Variants in HEYL observed in about 807,000 individuals in gnomAD.
The protein encoded by HEYL is hes related family bHLH transcription factor with YRPW motif like.
In HEYL, 12 loss-of-function variants were observed where a neutral mutation model predicts 18.6. That is an observed-to-expected ratio of 0.65 (90% CI 0.41 to 1.05). The LOEUF is 1.05. HEYL is among the 50% of genes least tolerant of loss of function. HEYL has a pLI of 0.00. For missense variants in HEYL, 420 were observed against 444.7 expected (o/e 0.94, Z 0.50); for synonymous variants, 159 against 179.6 (o/e 0.89, Z 0.91).
chr1:39,628,430 C>A (rs1194819392), intron 4 of HEYL, among the ~76,000 whole-genome samples: 2 of 152,058 alleles, frequency 1.3e-5, no homozygotes, highest in Non-Finnish European at 2.9e-5. Flanking sequence ...CAGGCAACAG[C>A]CATCACAGCG....
Position 39,626,930 on chromosome 1 carries a change from G to C in HEYL, c.564C>G (p.Ala188=), listed in dbSNP as rs949419651. ...CCAGGATGGCGAGCTGGTTGCTCAG[G>C]GCTGGCAGCCCTGGACAGCTATGGA... The part of the protein sequence containing the change: ...SFFHSCPGLP[A]LSNQLAILGR... Residue 188 remains alanine (A), a synonymous_variant, in exon 5 of 5, where the codon GCC becomes GCG. Coordinates refer to ENST00000372852, the MANE Select transcript of HEYL (RefSeq NM_014571.4). 1 of 1,612,936 alleles carries C rather than the reference G, an allele frequency of 6.2e-7. No individual in the cohort carries two copies. Among genetic ancestry groups the C allele is most frequent in the Non-Finnish European group, 8.5e-7 (1 of 1,179,166 alleles).
chr1:39,627,136 C>G lies in HEYL; in HGVS notation c.358G>C (p.Gly120Arg), dbSNP rs1459629871. ...RALAVDFRSI[G>R]FRECLTEVIR... ...ACCTCAGTGAGGCACTCCCGAAAACCAATGCTCCGGAAGTCAACTGCCAGG... is the reference window on the plus strand; with the variant it reads ...ACCTCAGTGAGGCACTCCCGAAAACGAATGCTCCGGAAGTCAACTGCCAGG... Residue 120 changes from glycine to arginine, a missense_variant, in exon 5 of 5, where the codon GGT becomes CGT. Coordinates refer to ENST00000372852, the MANE Select transcript of HEYL (RefSeq NM_014571.4). The G allele has an allele frequency of 6.2e-7, 1 of 1,613,862 alleles. No homozygotes were observed. Among genetic ancestry groups the G allele is most frequent in the Non-Finnish European group, 8.5e-7 (1 of 1,179,790 alleles).
intron 1 of HEYL, among the ~76,000 whole-genome samples, chr1:39,636,072 C>T (rs1385535441): frequency 1.3e-5 from 2 of 152,174 alleles, no homozygotes; most frequent in African/African-American, 4.8e-5. Flanking sequence ...CCCCGTGGAA[C>T]CCTTGCAGAT....
At position 39,632,681 on chromosome 1, in the gene HEYL, A is replaced by T; in HGVS notation, c.115T>A (p.Ser39Thr). The change falls in exon 2 of 5, where the codon TCG becomes ACG. Residue 39 changes from serine to threonine, a missense_variant. By Grantham distance (58) the Ser-to-Thr change is moderately conservative. Transcript: ENST00000372852. ...TGTTTCTTCCTGGCTTGCATCTGCG[A>T]AGAGCTGGGGGTGGACAGCGGCCTG... The part of the protein sequence containing the change: ...MARPLSTPSS[S>T]QMQARKKHRG... 10 of 1,614,034 alleles carry T rather than the reference A, an allele frequency of 6.2e-6. No individual in the cohort carries two copies. The highest frequency in any genetic ancestry group is 8.5e-6 in the Non-Finnish European group (10 of 1,179,936).
At chr1:39,628,116 G>A (rs925549986) in intron 4 of HEYL, among the ~76,000 whole-genome samples, 2 of 152,308 alleles carry the variant, frequency 1.3e-5, no homozygotes, top group Middle Eastern at 3.4e-3. Context: ...GACGATGGCA[G>A]CAAATATCTA....
rs2124112670 is a variant in HEYL, at chr1:39,630,270, C to T, written c.270G>A (p.Met90Ile). ...SKLEKAEVLQ[M>I]TVDHLKMLHA... ...GGAGCATTTTCAAGTGATCCACCGT[C>T]ATCTGCAAGACCTCGGCTTTCTCCA... The change falls in exon 4 of 5, where the codon ATG becomes ATA. Residue 90 changes from methionine to isoleucine, a missense_variant. Physicochemically the swap from Met to Ile is conservative, Grantham distance 10. Transcript: ENST00000372852. The T allele has an allele frequency of 6.2e-7, 1 of 1,614,132 alleles. No homozygotes were observed. Among genetic ancestry groups the T allele is most frequent in the African/African-American group, 1.3e-5 (1 of 75,026 alleles).
chr1:39,636,032 AC>A (rs1221364415), intron 1 of HEYL, among the ~76,000 whole-genome samples: 3 of 151,946 alleles, frequency 2.0e-5, no homozygotes, highest in Non-Finnish European at 4.4e-5. Flanking sequence ...GGTCCTGACC[AC>A]CCTCAGTGCT....
intron 1 of HEYL, among the ~76,000 whole-genome samples, chr1:39,637,165 G>C (rs982129015): frequency 1.4e-4 from 22 of 152,210 alleles, no homozygotes; most frequent in African/African-American, 5.3e-4. Flanking sequence ...GTGCTCATTA[G>C]ATGTTTGCAG....
Position 39,624,029 on chromosome 1 carries a change from G to A in HEYL, c.*2478C>T, listed in dbSNP as rs771830719. 6.6e-6 allele frequency: 1 copy of A among 152,310 alleles called. No individual in the cohort carries two copies. The highest frequency in any genetic ancestry group is 6.5e-5 in the Admixed American group (1 of 15,288). 9.4% of individuals were successfully genotyped at this position (152,310 alleles called of 1,614,324 possible). ...GAGAACTGATTGACAAAGCAAGAGG[G>A]AAGACCTTTCTGAGGCCAGGGCAGT... On this transcript the variant is annotated 3_prime_UTR_variant, in exon 5 of 5. Transcript: ENST00000372852.
chr1:39,638,533 G>A (rs1393299693), intron 1 of HEYL, among the ~76,000 whole-genome samples: 1 of 152,232 alleles, frequency 6.6e-6, no homozygotes, highest in Non-Finnish European at 1.5e-5. Context: ...AGCCAAGAGA[G>A]ATGAAGTATA....
In HEYL at chr1:39,639,595, C is replaced by A. The variant is rs993777576; in HGVS notation, c.31G>T (p.Asp11Tyr). 1 of 1,577,140 alleles carries A rather than the reference C, an allele frequency of 6.3e-7. No homozygotes were observed. Among genetic ancestry groups the A allele is most frequent in the Non-Finnish European group, 8.6e-7 (1 of 1,166,744 alleles). Residue 11 changes from aspartate to tyrosine, a missense_variant, in exon 1 of 5, where the codon GAC becomes TAC. By Grantham distance (160) the Asp-to-Tyr change is radical. Transcript: ENST00000372852. ...TCGATGGGTCCGTCGGACTCCCCGT[C>A]GGAGCCGCTCGGCTCCTTGGGTCGC... MKRPKEPSGS[D>Y]GESDGPIDVG...
Position 39,624,273 on chromosome 1 carries a change from A to G in HEYL, c.*2234T>C, listed in dbSNP as rs6587. On this transcript the variant is annotated 3_prime_UTR_variant, in exon 5 of 5. Transcript: ENST00000372852. Reference sequence around the variant, plus strand: ...ACACAAGATGCAAGTCCTTGACCACAGAATCAGATCACACAGTCACCTTTC... The same window carrying G: ...ACACAAGATGCAAGTCCTTGACCACGGAATCAGATCACACAGTCACCTTTC... 0.52 allele frequency: 79,118 copies of G among 152,242 alleles called. 22,883 individuals carry two copies. The highest frequency in any genetic ancestry group is 0.79 in the African/African-American group (32,759 of 41,556). 9.4% of individuals were successfully genotyped at this position (152,242 alleles called of 1,614,324 possible).
rs545387557 is a variant in HEYL, at chr1:39,623,964, C to T, written c.*2543G>A. Among the ~76,000 whole-genome samples, 1 of 152,150 alleles carries T rather than the reference C, an allele frequency of 6.6e-6. No individual in the cohort carries two copies. The highest frequency in any genetic ancestry group is 1.9e-4 in the East Asian group (1 of 5,198). On this transcript the variant is annotated 3_prime_UTR_variant, in exon 5 of 5. Coordinates refer to ENST00000372852, the MANE Select transcript of HEYL (RefSeq NM_014571.4). ...TGAGGTTTTCAAACTAAAGATGATACGATATGACCTGCAGCTTTCAATTTC... is the reference window on the plus strand; with the variant it reads ...TGAGGTTTTCAAACTAAAGATGATATGATATGACCTGCAGCTTTCAATTTC...
chr1:39,633,225 G>A (rs1646344847), intron 1 of HEYL: 1 of 543,010 alleles, frequency 1.8e-6, no homozygotes, highest in Non-Finnish European at 2.4e-6. Context: ...CGAAGGGGAG[G>A]CGGCATCTGG....
At chr1:39,637,008 G>T (rs950498068) in intron 1 of HEYL, among the ~76,000 whole-genome samples, 1 of 152,180 alleles carries the variant, frequency 6.6e-6, no homozygotes, top group Admixed American at 6.5e-5. Flanking sequence ...CATTTTGAAC[G>T]CGAGAAAACT....
chr1:39,630,800 C>G (rs1438077662), intron 3 of HEYL, among the ~76,000 whole-genome samples: 1 of 152,256 alleles, frequency 6.6e-6, no homozygotes, highest in Non-Finnish European at 1.5e-5. Flanking sequence ...TTCCTCTTTT[C>G]TCTCTTGGGA....
intron 4 of HEYL, among the ~76,000 whole-genome samples, chr1:39,628,588 CTTTTCT>C (rs1553483161): frequency 2.2e-5 from 3 of 136,630 alleles, no homozygotes; most frequent in East Asian, 2.3e-4. Context: ...CTTTGCTGTT[CTTTTCT>C]TTTTCTTTTT....
chr1:39,632,546 C>G (rs1317348984), intron 2 of HEYL, 103 bp downstream of exon 2: 19 of 1,031,610 alleles, frequency 1.8e-5, no homozygotes, highest in Admixed American at 6.6e-5. Flanking sequence ...AAGCAGTTAG[C>G]TTCATGGTGA....
intron 1 of HEYL, among the ~76,000 whole-genome samples, chr1:39,639,051 A>G (rs1473644370): frequency 6.6e-6 from 1 of 152,146 alleles, no homozygotes; most frequent in Non-Finnish European, 1.5e-5. Flanking sequence ...CCAAACTCCA[A>G]TTTGCTCAAA....
Sources: gnomAD v4.1 joint callset for allele counts (sites outside exome capture counted in the v4.1 genomes callset) on GRCh38, gnomAD v4.1.1 for gene constraint, MANE v1.5 for transcripts, NCBI Gene and HGNC (gene_info 2026-07-23, HGNC 2026-07-21) for gene names.